Variants in GLRA2 observed in about 807,000 individuals in gnomAD.
GLRA2 encodes glycine receptor subunit alpha-2.
In GLRA2, 11 loss-of-function variants were observed where a neutral mutation model predicts 31.6. The ratio of observed to expected loss-of-function variants is 0.35; its 90% CI spans 0.22 to 0.58. The LOEUF is 0.58. Among genes scored for constraint, GLRA2 ranks in the 20% least tolerant of loss-of-function variants. The pLI is 0.84. For synonymous variants in GLRA2, 132 were observed against 134.0 expected, an observed-to-expected ratio of 0.99 and a Z score of 0.10; for missense variants, 212 against 351.8, an observed-to-expected ratio of 0.60 and a Z score of 3.18.
At chrX:14,627,065 T>A (rs1254853254) in intron 7 of GLRA2, among the ~76,000 whole-genome samples, 3 of 111,269 alleles carry the variant, frequency 2.7e-5, no homozygotes, top group African/African-American at 9.8e-5. Flanking sequence ...GTTACATGGT[T>A]ATGTTCGTTT....
intron 7 of GLRA2, among the ~76,000 whole-genome samples, chrX:14,684,624 A>C (rs1382809469): frequency 9.0e-6 from 1 of 111,345 alleles, no homozygotes; most frequent in East Asian, 2.8e-4. Context: ...TTTGTCTGTT[A>C]CTGGTGTATA....
chrX:14,598,400 G>A (rs2090232178), intron 4 of GLRA2, among the ~76,000 whole-genome samples: 1 of 112,212 alleles, frequency 8.9e-6, no homozygotes, highest in African/African-American at 3.2e-5. Context: ...TTATGAACCA[G>A]TAGTTGCTTT....
chrX:14,652,011 C>T (rs892546303), intron 7 of GLRA2, among the ~76,000 whole-genome samples: 2 of 111,087 alleles, frequency 1.8e-5, no homozygotes, highest in Non-Finnish European at 3.8e-5. Context: ...TCTCCCTCCC[C>T]ATATGAGCAC....
At chrX:14,646,669 T>G (rs2090835182) in intron 7 of GLRA2, among the ~76,000 whole-genome samples, 1 of 111,741 alleles carries the variant, frequency 8.9e-6, no homozygotes, top group African/African-American at 3.3e-5. Context: ...CTCATACCAG[T>G]CCAGTGGACT....
chrX:14,616,053 G>A (rs980731507), intron 7 of GLRA2, among the ~76,000 whole-genome samples: 5 of 111,410 alleles, frequency 4.5e-5, no homozygotes, highest in Non-Finnish European at 1.9e-5. Flanking sequence ...ACCGTTTAGA[G>A]CATAAAGCCT....
the GLRA2 span, among the ~76,000 whole-genome samples, chrX:14,522,169 TATCCTGA>T: frequency 8.9e-6 from 1 of 112,531 alleles, no homozygotes; most frequent in Admixed American, 9.4e-5. Context: ...GTTTATGGAA[TATCCTGA>T]ATCCTTTGTT....
intron 7 of GLRA2, among the ~76,000 whole-genome samples, chrX:14,629,467 C>CA (rs2090621474): frequency 9.0e-6 from 1 of 111,423 alleles, no homozygotes; most frequent in South Asian, 3.8e-4. Context: ...TGGTTTTCAT[C>CA]AACAGGAAAC....
chrX:14,623,190 C>T (rs373599548), intron 7 of GLRA2, among the ~76,000 whole-genome samples: 23 of 111,573 alleles, frequency 2.1e-4, no homozygotes, highest in African/African-American at 6.9e-4. Context: ...GATTTTTGCA[C>T]GTTGATTTTG....
chrX:14,555,266 CT>C (rs1297771028), intron 2 of GLRA2, among the ~76,000 whole-genome samples: 1 of 111,887 alleles, frequency 8.9e-6, no homozygotes, highest in African/African-American at 3.3e-5. Context: ...AAAGAAGTAG[CT>C]GATATTTCAC....
chrX:14,722,015 C>G (rs1435469539), intron 8 of GLRA2, among the ~76,000 whole-genome samples: 1 of 112,163 alleles, frequency 8.9e-6, no homozygotes, highest in Admixed American at 9.5e-5. Flanking sequence ...CTTCCAGCTT[C>G]TGCCTGCTGC....
At chrX:14,680,517 A>C (rs1175798617) in intron 7 of GLRA2, among the ~76,000 whole-genome samples, 1 of 112,189 alleles carries the variant, frequency 8.9e-6, no homozygotes, top group East Asian at 2.8e-4. Context: ...ATAATGTAAC[A>C]GGGGAAGATG....
intron 2 of GLRA2, among the ~76,000 whole-genome samples, chrX:14,532,825 T>C (rs2089274813): frequency 8.9e-6 from 1 of 111,888 alleles, no homozygotes; most frequent in African/African-American, 3.2e-5. Flanking sequence ...CAGGCCTCTT[T>C]AATTTTTAGA....
chrX:14,471,376 T>A, the GLRA2 span, among the ~76,000 whole-genome samples: 1 of 111,749 alleles, frequency 8.9e-6, no homozygotes, highest in Non-Finnish European at 1.9e-5. Context: ...TCCATTCTCA[T>A]TTAAGAACTA....
intron 1 of GLRA2, chrX:14,531,034 C>T: frequency 1.0e-6 from 1 of 962,359 alleles, no homozygotes. Flanking sequence ...CACTATGTTC[C>T]TTTCAGGTTT....
At chrX:14,483,159 A>C in the GLRA2 span, among the ~76,000 whole-genome samples, 1 of 112,173 alleles carries the variant, frequency 8.9e-6, no homozygotes, top group Non-Finnish European at 1.9e-5. Flanking sequence ...CTAGTCAAGA[A>C]GGCGCCCAGT....
chrX:14,693,664 C>T (rs1276001041), intron 8 of GLRA2, among the ~76,000 whole-genome samples: 1 of 112,022 alleles, frequency 8.9e-6, no homozygotes, highest in African/African-American at 3.2e-5. Context: ...TCAGAAGAAA[C>T]ATTTTGGTAT....
At chrX:14,699,902 C>G (rs2091514487) in intron 8 of GLRA2, among the ~76,000 whole-genome samples, 1 of 111,969 alleles carries the variant, frequency 8.9e-6, no homozygotes, top group African/African-American at 3.3e-5. Context: ...ACCACTCATT[C>G]TCACTTCTAA....
Position 14,700,141 on chromosome X carries a change from C to T in GLRA2, c.1080+9282C>T, listed in dbSNP as rs143894744. The stretch of plus-strand genomic sequence containing the variant: ...GGTGAAATGTGAGAGATGGAGGTAG[C>T]GATGTCCATGAGGCAGTCCAGCACT... On this transcript the variant is annotated intron_variant, in intron 8 of 8. Coordinates refer to ENST00000218075, the MANE Select transcript of GLRA2 (RefSeq NM_002063.4). 6.9e-3 allele frequency among the ~76,000 whole-genome samples: 774 copies of T among 111,592 alleles called. 10 individuals carry two copies. The highest frequency in any genetic ancestry group is 0.024 in the African/African-American group (736 of 30,668).
chrX:14,512,079 A>G, the GLRA2 span, among the ~76,000 whole-genome samples: 1 of 111,836 alleles, frequency 8.9e-6, no homozygotes, highest in Admixed American at 9.5e-5. Flanking sequence ...GATTCCACCC[A>G]TTTCTTTGCT....
Sources: allele counts gnomAD v4.1 joint callset (sites outside exome capture counted in the v4.1 genomes callset), GRCh38; gene constraint gnomAD v4.1.1; transcripts MANE v1.5; gene names NCBI Gene and HGNC (gene_info 2026-07-23, HGNC 2026-07-21).